SCN7A: variants seen among roughly 807,000 people sequenced by gnomAD.
SCN7A encodes sodium voltage-gated channel alpha subunit 7.
Under a neutral mutation model 155.2 loss-of-function variants are expected in SCN7A, and 138 were observed. The observed-to-expected ratio is 0.89, with a 90% confidence interval of 0.77 to 1.02. The LOEUF (loss-of-function observed/expected upper bound fraction) is 1.02. Among genes scored for constraint, SCN7A ranks in the 50% least tolerant of loss-of-function variants. SCN7A has a pLI of 0.00. For synonymous variants in SCN7A, 693 were observed against 649.0 expected (o/e 1.07, Z -1.03); for missense variants, 2,058 against 1,986.6 (o/e 1.04, Z -0.68).
intron 23 of SCN7A, among the ~76,000 whole-genome samples, chr2:166,411,087 C>A (rs578207009): frequency 6.6e-6 from 1 of 152,138 alleles, no homozygotes; most frequent in South Asian, 2.1e-4. Context: ...CAGCTCTCTA[C>A]TCCTATTTCA....
intron 21 of SCN7A, chr2:166,414,462 G>GATATATATATATATATATAT (rs373659814): frequency 3.6e-4 from 43 of 118,144 alleles, no homozygotes; most frequent in African/African-American, 1.4e-3. Flanking sequence ...GAACTAATAG[G>GATATATATATATATATATAT]ATATATATAT....
rs559571515 is a variant in SCN7A, at chr2:166,471,728, G to A, written c.572+589C>T. Among the ~76,000 whole-genome samples the A allele has an allele frequency of 3.1e-4, 24 of 78,274 alleles. No homozygotes were observed. In the South Asian group the frequency reaches 9.6e-3, roughly 31 times the overall value. 51.4% of individuals were successfully genotyped at this position (78,274 alleles called of 152,430 possible). A position where few individuals can be genotyped will look rare whatever the true frequency, so the allele number is the denominator to read the frequency against. Reference sequence around the variant, plus strand: ...GTATGAAGCATTCCAGAAAATGTGGGGGGGGGGGTGGTGTTTAAGATATGT... The same window carrying A: ...GTATGAAGCATTCCAGAAAATGTGGAGGGGGGGGTGGTGTTTAAGATATGT... On this transcript the variant is annotated intron_variant, in intron 6 of 25. Coordinates refer to ENST00000643258, the MANE Select transcript of SCN7A (RefSeq NM_002976.4).
At chr2:166,414,293 C>CATATATATAT (rs1262942036) in intron 21 of SCN7A, among the ~76,000 whole-genome samples, 13 of 42,094 alleles carry the variant, frequency 3.1e-4, no homozygotes, top group Non-Finnish European at 3.9e-4. Flanking sequence ...TATACACACA[C>CATATATATAT]ATATATATAT....
intron 2 of SCN7A, among the ~76,000 whole-genome samples, chr2:166,480,453 G>A (rs1575066045): frequency 1.7e-5 from 2 of 118,276 alleles, no homozygotes; most frequent in South Asian, 2.9e-4. Flanking sequence ...GCGAGACTCC[G>A]TCTCAAAAAA....
chr2:166,432,215 A>G, intron 16 of SCN7A, 103 bp downstream of exon 16: 1 of 816,548 alleles, frequency 1.2e-6, no homozygotes, highest in South Asian at 1.8e-5. Context: ...ATGGAGTTAG[A>G]ATTGAGTGGA....
chr2:166,421,151 A>G, intron 20 of SCN7A, 39 bp downstream of exon 20: 1 of 1,338,640 alleles, frequency 7.5e-7, no homozygotes, highest in Non-Finnish European at 1.0e-6. Flanking sequence ...GTAATTCCAA[A>G]TAAAAATTTG....
intron 15 of SCN7A, among the ~76,000 whole-genome samples, chr2:166,437,114 C>T (rs1701855757): frequency 6.6e-6 from 1 of 152,190 alleles, no homozygotes; most frequent in African/African-American, 2.4e-5. Flanking sequence ...GGCAGCAGCC[C>T]CTCTCATAAC....
intron 13 of SCN7A, 32 bp from the exon 14 acceptor site, chr2:166,443,708 A>G (rs1248057429): frequency 7.0e-6 from 10 of 1,438,174 alleles, no homozygotes; most frequent in African/African-American, 1.4e-5. Flanking sequence ...AGGTGAGAAT[A>G]TGATTCCAAT....
At position 166,406,543 on chromosome 2, in the gene SCN7A, T is replaced by A; in HGVS notation, c.4086A>T (p.Gly1362=). 1 of 1,612,822 alleles carries A rather than the reference T, an allele frequency of 6.2e-7. No homozygotes were observed. Among genetic ancestry groups the A allele is most frequent in the East Asian group, 2.2e-5 (1 of 44,834 alleles). The part of the protein sequence containing the change: ...RIIHMLRLGK[G]PKVFHNLMLP... ...GCATCAGATTATGAAACACCTTTGGTCCTTTTCCAAGACGCAGCATGTGAA... is the reference window on the plus strand; with the variant it reads ...GCATCAGATTATGAAACACCTTTGGACCTTTTCCAAGACGCAGCATGTGAA... Residue 1362 remains glycine, a synonymous_variant, in exon 26 of 26, where the codon GGA becomes GGT. Transcript: ENST00000643258.
chr2:166,441,878 T>C, intron 14 of SCN7A, 126 bp from the exon 15 acceptor site: 1 of 654,532 alleles, frequency 1.5e-6, no homozygotes, highest in Non-Finnish European at 2.6e-6. Flanking sequence ...CATTATTAAC[T>C]ACTGAACATT....
chr2:166,432,304 T>C lies in SCN7A; in HGVS notation c.2592+14A>G, dbSNP rs1332940683. Reference sequence around the variant, plus strand: ...AAATCACCACTAAGCAATCAGGATATTTAAACATCTTACCTCTTTGCTGCC... The same window carrying C: ...AAATCACCACTAAGCAATCAGGATACTTAAACATCTTACCTCTTTGCTGCC... On this transcript the variant is annotated intron_variant, in intron 16 of 25. Coordinates refer to ENST00000643258, the MANE Select transcript of SCN7A (RefSeq NM_002976.4). 1.9e-6 allele frequency: 3 copies of C among 1,576,612 alleles called. No homozygotes were observed. The highest frequency in any genetic ancestry group is 2.6e-6 in the Non-Finnish European group (3 of 1,162,578).
chr2:166,423,860 G>A (rs1389681030), intron 18 of SCN7A, among the ~76,000 whole-genome samples: 4 of 152,042 alleles, frequency 2.6e-5, no homozygotes, highest in African/African-American at 9.7e-5. Context: ...TTTTTAAAAT[G>A]TCTTTAGAAA....
intron 12 of SCN7A, among the ~76,000 whole-genome samples, chr2:166,447,031 A>C (rs1196624762): frequency 2.6e-5 from 4 of 152,224 alleles, no homozygotes. Context: ...CCCAGAACTT[A>C]AAGTTTAATT....
intron 20 of SCN7A, among the ~76,000 whole-genome samples, chr2:166,420,348 C>T (rs985010889): frequency 1.3e-5 from 2 of 151,664 alleles, no homozygotes; most frequent in African/African-American, 2.4e-5. Flanking sequence ...TGTGATATTA[C>T]GTAGTAATTA....
intron 2 of SCN7A, among the ~76,000 whole-genome samples, chr2:166,486,449 C>A (rs1239955687): frequency 2.0e-5 from 3 of 152,206 alleles, no homozygotes; most frequent in African/African-American, 7.2e-5. Flanking sequence ...GTCAAATCTG[C>A]AGTTCCCAAG....
intron 6 of SCN7A, among the ~76,000 whole-genome samples, 157 bp downstream of exon 6, chr2:166,472,160 G>C (rs1277742654): frequency 1.3e-5 from 2 of 151,516 alleles, no homozygotes; most frequent in Non-Finnish European, 2.9e-5. Flanking sequence ...GACTAGGTCA[G>C]AGGCAGCTGA....
intron 1 of SCN7A, among the ~76,000 whole-genome samples, chr2:166,488,403 G>A (rs551372283): frequency 4.5e-4 from 68 of 152,120 alleles, no homozygotes; most frequent in Non-Finnish European, 7.8e-4. Flanking sequence ...CTAGGAAGCA[G>A]AAACCTATGA....
chr2:166,411,010 A>G (rs963206518), intron 23 of SCN7A, among the ~76,000 whole-genome samples: 2 of 151,928 alleles, frequency 1.3e-5, no homozygotes, highest in Non-Finnish European at 2.9e-5. Flanking sequence ...AAATCCTAGT[A>G]TGTTATCCTA....
chr2:166,467,487 A>T (rs889977647), intron 7 of SCN7A, among the ~76,000 whole-genome samples: 2 of 143,112 alleles, frequency 1.4e-5, no homozygotes, highest in East Asian at 2.0e-4. Flanking sequence ...ATATATGTTT[A>T]TATATATATA....
Sources: gnomAD v4.1 joint callset for allele counts (sites outside exome capture counted in the v4.1 genomes callset) on GRCh38, gnomAD v4.1.1 for gene constraint, MANE v1.5 for transcripts, NCBI Gene and HGNC (gene_info 2026-07-23, HGNC 2026-07-21) for gene names.